HOXB3: variants seen among roughly 807,000 people sequenced by gnomAD.
HOXB3 encodes homeobox B3, also known as homeobox protein Hox-B3.
Under a neutral mutation model 29.2 loss-of-function variants are expected in HOXB3, and 17 were observed. The observed-to-expected ratio is 0.58, with a 90% CI of 0.40 to 0.87. HOXB3 has a LOEUF of 0.87. Ranked by LOEUF, HOXB3 falls within the 40% of genes least tolerant of loss-of-function variation. HOXB3 has a pLI of 0.00. For synonymous variants in HOXB3, 317 were observed against 285.9 expected (o/e 1.11, Z -1.10); for missense variants, 637 against 616.3 (o/e 1.03, Z -0.35).
chr17:48,569,328 C>T (rs2069505429), intron 2 of HOXB3, among the ~76,000 whole-genome samples: 1 of 152,114 alleles, frequency 6.6e-6, no homozygotes, highest in Non-Finnish European at 1.5e-5. Context: ...ACCAATGGAA[C>T]AGTAGTGAGG....
At chr17:48,576,650 T>TCCCCCCCCCCCCCCC in intron 1 of HOXB3, 1 of 567,770 alleles carries the variant, frequency 1.8e-6, no homozygotes, top group Non-Finnish European at 2.6e-6. Flanking sequence ...CCCCCTCCTG[T>TCCCCCCCCCCCCCCC]CCCCCCACCC....
chr17:48,557,444 C>T (rs752098966), intron 2 of HOXB3: 1 of 152,306 alleles, frequency 6.6e-6, no homozygotes. Flanking sequence ...TCTCTCTCCC[C>T]ACTCACAGGC....
intron 2 of HOXB3, among the ~76,000 whole-genome samples, chr17:48,568,128 C>T (rs771714591): frequency 2.0e-5 from 3 of 152,150 alleles, no homozygotes; most frequent in Non-Finnish European, 2.9e-5. Flanking sequence ...TTTCTTTCTC[C>T]ACTTCCACCT....
chr17:48,560,762 A>G (rs888908814), intron 2 of HOXB3, among the ~76,000 whole-genome samples: 6 of 152,098 alleles, frequency 3.9e-5, no homozygotes, highest in Non-Finnish European at 8.8e-5. Flanking sequence ...CCTAGAGGAG[A>G]CCCGGTAGAG....
intron 1 of HOXB3, among the ~76,000 whole-genome samples, chr17:48,589,023 C>A (rs2070097502): frequency 6.6e-6 from 1 of 150,926 alleles, no homozygotes; most frequent in Admixed American, 6.6e-5. Context: ...GTAGTTAGCC[C>A]CACGGGTGTT....
Position 48,552,202 on chromosome 17 carries a change from C to T in HOXB3, c.273G>A (p.Pro91=), listed in dbSNP as rs753519477. The change falls in exon 4 of 5, where the codon CCG becomes CCA. Residue 91 remains proline, a synonymous_variant. Coordinates refer to ENST00000498678, the MANE Select transcript of HOXB3 (RefSeq NM_001384749.1). ...TGGCACTGGTAGGTGCGGCACTGGG[C>T]GGGGGTGAGCCAGGCGGGGCCGACA... ...EPLSAPPGSP[P]PSAAPTSATS... is the part of the protein sequence containing the mutation. The T allele has an allele frequency of 1.2e-6, 2 of 1,612,974 alleles. No individual in the cohort carries two copies. Among genetic ancestry groups the T allele is most frequent in the African/African-American group, 2.7e-5 (2 of 74,858 alleles).
At chr17:48,551,778 GA>G (rs1156264695) in intron 4 of HOXB3, among the ~76,000 whole-genome samples, 3 of 152,252 alleles carry the variant, frequency 2.0e-5, no homozygotes, top group Non-Finnish European at 4.4e-5. Flanking sequence ...GTGGCCTTGG[GA>G]AGGGCTTTGA....
Position 48,577,865 on chromosome 17 carries a change from G to A in HOXB3, c.-424-3851C>T. On this transcript the variant is annotated intron_variant, in intron 1 of 4. Coordinates refer to ENST00000498678, the MANE Select transcript of HOXB3 (RefSeq NM_001384749.1). Reference sequence around the variant, plus strand: ...GGAAGGGGTGCCCACGCACTCACCCGTGCTCACGTGAACTTTGCGCATCCA... The same window carrying A: ...GGAAGGGGTGCCCACGCACTCACCCATGCTCACGTGAACTTTGCGCATCCA... The A allele has an allele frequency of 3.6e-6, 5 of 1,402,564 alleles. No homozygotes were observed. Among genetic ancestry groups the A allele is most frequent in the African/African-American group, 1.5e-5 (1 of 67,130 alleles). 86.9% of individuals were successfully genotyped at this position (1,402,564 alleles called of 1,614,324 possible).
chr17:48,577,943 G>C lies in HOXB3; in HGVS notation c.-424-3929C>G. On this transcript the variant is annotated intron_variant, in intron 1 of 4. Coordinates refer to ENST00000498678, the MANE Select transcript of HOXB3 (RefSeq NM_001384749.1). ...GGAGTGGGACGGGCTGGGGTGCAGG[G>C]GGTTCTGGGCGCAGGGAGGCGGCGG... The C allele has an allele frequency of 1.5e-6, 2 of 1,338,936 alleles. No individual in the cohort carries two copies. Among genetic ancestry groups the C allele is most frequent in the Non-Finnish European group, 9.6e-7 (1 of 1,038,494 alleles). 82.9% of individuals were successfully genotyped at this position (1,338,936 alleles called of 1,614,324 possible). A position where few individuals can be genotyped will look rare whatever the true frequency, so the allele number is the denominator to read the frequency against.
At chr17:48,555,339 A>AGAGAGAGAGAGAGG in intron 3 of HOXB3, 192 bp downstream of exon 3, 1 of 418,484 alleles carries the variant, frequency 2.4e-6, no homozygotes. Context: ...AGAGAGGGAG[A>AGAGAGAGAGAGAGG]GAGAGAGAGA....
intron 2 of HOXB3, chr17:48,556,971 C>T (rs1348791238): frequency 6.6e-6 from 1 of 152,126 alleles, no homozygotes; most frequent in Admixed American, 6.5e-5. Context: ...AGGAAGGCCA[C>T]AAAAGCTAAA....
chr17:48,577,019 T>C, intron 1 of HOXB3: 1 of 1,598,036 alleles, frequency 6.3e-7, no homozygotes, highest in East Asian at 2.2e-5. Flanking sequence ...AATTGGGGTT[T>C]ACTGGACACA....
intron 1 of HOXB3, chr17:48,577,741 G>A (rs1178788634): frequency 2.3e-6 from 2 of 880,606 alleles, no homozygotes; most frequent in Non-Finnish European, 3.0e-6. Flanking sequence ...CTCCGGCAAT[G>A]GCGAGTTTAT....
intron 1 of HOXB3, among the ~76,000 whole-genome samples, chr17:48,577,692 G>T (rs537571130): frequency 6.6e-6 from 1 of 152,284 alleles, no homozygotes; most frequent in African/African-American, 2.4e-5. Context: ...ATTTATGGGG[G>T]ATGTAATTAT....
At chr17:48,551,852 G>T (rs1440610340) in intron 4 of HOXB3, among the ~76,000 whole-genome samples, 175 bp downstream of exon 4, 1 of 152,358 alleles carries the variant, frequency 6.6e-6, no homozygotes, top group South Asian at 2.1e-4. Context: ...AGAGGGAGGA[G>T]GGTGTTGGCG....
chr17:48,568,842 G>A (rs1029958592), intron 2 of HOXB3, among the ~76,000 whole-genome samples: 2 of 152,212 alleles, frequency 1.3e-5, no homozygotes, highest in Non-Finnish European at 2.9e-5. Context: ...ACAGAGCACC[G>A]TGTGAAGAGA....
chr17:48,571,678 C>A (rs893145282), intron 2 of HOXB3, among the ~76,000 whole-genome samples: 1 of 152,222 alleles, frequency 6.6e-6, no homozygotes, highest in Non-Finnish European at 1.5e-5. Context: ...AGGCCCACAA[C>A]TGGCTATCTG....
At chr17:48,582,557 T>A (rs1012514529) in intron 1 of HOXB3, 5 of 152,180 alleles carry the variant, frequency 3.3e-5, no homozygotes, top group African/African-American at 1.2e-4. Context: ...ATTTTAATAA[T>A]TTTTAGACGC....
At chr17:48,581,986 G>C (rs1032623164) in intron 1 of HOXB3, 35 of 152,226 alleles carry the variant, frequency 2.3e-4, no homozygotes, top group African/African-American at 7.5e-4. Flanking sequence ...AGTAAAATAA[G>C]AGCAGGGGCT....
Sources: gnomAD v4.1 joint callset for allele counts (sites outside exome capture counted in the v4.1 genomes callset) on GRCh38, gnomAD v4.1.1 for gene constraint, MANE v1.5 for transcripts, NCBI Gene and HGNC (gene_info 2026-07-23, HGNC 2026-07-21) for gene names.